The following GPALPP1 variants were observed in gnomAD, a reference collection of about 807,000 sequenced individuals.
The protein encoded by GPALPP1 is GPALPP motifs containing 1, also known as GPALPP motifs-containing protein 1.
In GPALPP1, 30 loss-of-function variants were observed where a neutral mutation model predicts 38.9. The ratio of observed to expected loss-of-function variants is 0.77; its 90% CI spans 0.58 to 1.05. The LOEUF (loss-of-function observed/expected upper bound fraction) is 1.05, where lower values mean the gene tolerates loss of function less well. GPALPP1 is among the 50% of genes least tolerant of loss of function. The pLI, the probability that GPALPP1 is intolerant of heterozygous loss-of-function variation, is 0.00. For missense variants in GPALPP1, 384 were observed against 408.8 expected (o/e 0.94, Z 0.52); for synonymous variants, 120 against 139.2 (o/e 0.86, Z 0.97).
chr13:45,002,578 A>G (rs1173366680), intron 1 of GPALPP1: 1 of 152,258 alleles, frequency 6.6e-6, no homozygotes, highest in African/African-American at 2.4e-5. Context: ...ATTAACTGAT[A>G]TAATCTTCAC....
chr13:45,032,773 C>T (rs1361370515), downstream of GPALPP1, among the ~76,000 whole-genome samples: 3 of 150,722 alleles, frequency 2.0e-5, no homozygotes, highest in Non-Finnish European at 4.4e-5. Flanking sequence ...CGGTGGCTCA[C>T]GCCTGTAATT....
rs36033321 is a variant in GPALPP1, at chr13:45,028,904, A to ATG, written c.*901_*902insTG. 4 of 151,392 alleles carry ATG rather than the reference A, an allele frequency of 2.6e-5. No individual in the cohort carries two copies. Among genetic ancestry groups the ATG allele is most frequent in the African/African-American group, 4.8e-5 (2 of 41,348 alleles). 9.4% of individuals were successfully genotyped at this position (151,392 alleles called of 1,614,324 possible). On this transcript the variant is annotated 3_prime_UTR_variant, in exon 8 of 8. Transcript: ENST00000379151. ...ATCTCTATTAAAAATATATATATAT[A>ATG]AAAATTAGCCAGGTGTGGTGGCACG... is the stretch of plus-strand genomic sequence containing the variant.
chr13:45,019,040 A>AAT lies in GPALPP1; in HGVS notation c.706-1284_706-1283dup, dbSNP rs1282476442. ...ATACACATATAAATATATACATAGA[A>AAT]ATATATAAATATAAATATATACATA... On this transcript the variant is annotated intron_variant, in intron 6 of 7. Transcript: ENST00000379151. 5.7e-5 allele frequency among the ~76,000 whole-genome samples: 4 copies of AAT among 69,630 alleles called. 1 individual carries two copies. The highest frequency in any genetic ancestry group is 7.6e-5 in the African/African-American group (1 of 13,138). The allele number at this position is 69,630 out of a possible 152,430, so 45.7% of individuals were successfully genotyped here.
chr13:45,011,124 A>G (rs1874444046), intron 4 of GPALPP1, among the ~76,000 whole-genome samples: 1 of 152,222 alleles, frequency 6.6e-6, no homozygotes, highest in South Asian at 2.1e-4. Context: ...ATTTGAAGGC[A>G]AAAGAGAGTG....
At chr13:45,027,407 A>T (rs1179102477) in intron 7 of GPALPP1, among the ~76,000 whole-genome samples, 1 of 152,142 alleles carries the variant, frequency 6.6e-6, no homozygotes, top group African/African-American at 2.4e-5. Context: ...CAGGCCTTGA[A>T]TTTTGCCACA....
rs887412176 is a variant in GPALPP1, at chr13:45,028,131, A to G, written c.*128A>G. On this transcript the variant is annotated 3_prime_UTR_variant, in exon 8 of 8. Coordinates refer to ENST00000379151, the MANE Select transcript of GPALPP1 (RefSeq NM_018559.5). Reference sequence around the variant, plus strand: ...AATAGATTAAAAATTTTATATTTTTATAAGTAAACAGTGATTTTTGAAAAG... The same window carrying G: ...AATAGATTAAAAATTTTATATTTTTGTAAGTAAACAGTGATTTTTGAAAAG... 59 of 463,510 alleles carry G rather than the reference A, an allele frequency of 1.3e-4. No individual in the cohort carries two copies. Among genetic ancestry groups the G allele is most frequent in the Non-Finnish European group, 2.0e-4 (53 of 267,324 alleles). The allele number at this position is 463,510 out of a possible 1,614,324, so 28.7% of individuals were successfully genotyped here.
At chr13:45,015,678 G>A in intron 6 of GPALPP1, 82 bp downstream of exon 6, 5 of 953,488 alleles carry the variant, frequency 5.2e-6, no homozygotes, top group Non-Finnish European at 7.3e-6. Flanking sequence ...AATTATTTAA[G>A]GGTACTATTT....
intron 1 of GPALPP1, among the ~76,000 whole-genome samples, chr13:45,003,476 G>C (rs1205592847): frequency 3.9e-5 from 6 of 152,108 alleles, no homozygotes; most frequent in Non-Finnish European, 7.3e-5. Flanking sequence ...CTGAGAAAAG[G>C]GCCCATGAAT....
rs777370626 is a variant in GPALPP1 at position 45,029,174 on chromosome 13, T to A, written c.*1171T>A. ...TATATCAATATTCAAATGTGATTTT[T>A]GAGGAAAATATGTTAAATTTAGAAA... is the stretch of plus-strand genomic sequence containing the variant. On this transcript the variant is annotated 3_prime_UTR_variant, in exon 8 of 8. Coordinates refer to ENST00000379151, the MANE Select transcript of GPALPP1 (RefSeq NM_018559.5). 4 of 152,212 alleles carry A rather than the reference T, an allele frequency of 2.6e-5. No individual in the cohort carries two copies. Among genetic ancestry groups the A allele is most frequent in the Non-Finnish European group, 5.9e-5 (4 of 68,038 alleles). The allele number at this position is 152,212 out of a possible 1,614,324, so 9.4% of individuals were successfully genotyped here. A position where few individuals can be genotyped will look rare whatever the true frequency, so the allele number is the denominator to read the frequency against.
At chr13:45,021,048 A>G (rs1875392139) in intron 7 of GPALPP1, among the ~76,000 whole-genome samples, 1 of 152,190 alleles carries the variant, frequency 6.6e-6, no homozygotes, top group Admixed American at 6.5e-5. Context: ...ATGTAGTCCA[A>G]TCTAAATTTA....
In GPALPP1 at chr13:45,027,912, G is replaced by A. The variant is rs367606015; in HGVS notation, c.932G>A (p.Arg311Gln). 30 of 1,610,268 alleles carry A rather than the reference G, an allele frequency of 1.9e-5. No homozygotes were observed. The East Asian group carries it at 3.4e-4, about 18-fold the overall frequency. ...FDRDKDLKVN[R>Q]FDEAQKKALI... ...CGTGATAAAGATCTCAAGGTTAATC[G>A]GTTTGATGAAGCTCAGAAAAAAGCC... Residue 311 changes from arginine to glutamine, a missense_variant, in exon 8 of 8, where the codon CGG (arginine) becomes CAG (glutamine). Physicochemically the swap from Arg to Gln is conservative, Grantham distance 43. Coordinates refer to ENST00000379151, the MANE Select transcript of GPALPP1 (RefSeq NM_018559.5).
intron 2 of GPALPP1, chr13:45,005,086 C>CTTTTTTTTTTTT (rs71759613): frequency 8.7e-5 from 5 of 57,482 alleles, no homozygotes; most frequent in Non-Finnish European, 1.6e-4. Flanking sequence ...TAATGGTTTT[C>CTTTTTTTTTTTT]TTTTTTTTTT....
chr13:45,008,932 T>A, intron 4 of GPALPP1, 53 bp downstream of exon 4: 3 of 1,039,044 alleles, frequency 2.9e-6, no homozygotes, highest in Non-Finnish European at 4.5e-6. Context: ...ATTGAAAGAA[T>A]AAGATGTATT....
At position 45,015,505 on chromosome 13, in the gene GPALPP1, G is replaced by A. The variant is rs1035030446; in HGVS notation, c.614G>A (p.Gly205Glu). 2.5e-6 allele frequency: 4 copies of A among 1,609,286 alleles called. No homozygotes were observed. The highest frequency in any genetic ancestry group is 3.4e-6 in the Non-Finnish European group (4 of 1,177,430). The part of the protein sequence containing the change: ...LPPEMKDFGL[G>E]PRTFKRRADD... ...CCAGAAATGAAAGACTTTGGTCTTGGGCCAAGGACTTTTAAGAGAAGAGCT... is the reference window on the plus strand; with the variant it reads ...CCAGAAATGAAAGACTTTGGTCTTGAGCCAAGGACTTTTAAGAGAAGAGCT... Residue 205 changes from glycine to glutamate, a missense_variant, in exon 6 of 8, where the codon GGG (glycine) becomes GAG (glutamate). Gly to Glu is a moderately conservative substitution (Grantham distance 98). Transcript: ENST00000379151.
chr13:45,000,418 AAAT>A (rs1873589543), intron 1 of GPALPP1, among the ~76,000 whole-genome samples: 1 of 152,212 alleles, frequency 6.6e-6, no homozygotes, highest in Non-Finnish European at 1.5e-5. Flanking sequence ...GAGCAAGACT[AAAT>A]AAATAAATGA....
chr13:44,991,223 C>T (rs1593377785), intron 1 of GPALPP1, among the ~76,000 whole-genome samples: 1 of 151,906 alleles, frequency 6.6e-6, no homozygotes, highest in Non-Finnish European at 1.5e-5. Flanking sequence ...CCGAGGCGGG[C>T]GGATCACGAG....
chr13:44,996,247 T>TG (rs1245675137), intron 1 of GPALPP1, among the ~76,000 whole-genome samples: 2 of 151,542 alleles, frequency 1.3e-5, no homozygotes, highest in East Asian at 2.0e-4. Context: ...CTCAACTACT[T>TG]GGGGGGCTGA....
chr13:45,012,238 C>A (rs1256666666), intron 4 of GPALPP1, among the ~76,000 whole-genome samples: 1 of 152,086 alleles, frequency 6.6e-6, no homozygotes, highest in Non-Finnish European at 1.5e-5. Context: ...GACTAGAGGA[C>A]CAGAGAAATG....
At chr13:45,019,399 C>T (rs1051360307) in intron 6 of GPALPP1, among the ~76,000 whole-genome samples, 2 of 151,808 alleles carry the variant, frequency 1.3e-5, no homozygotes, top group Non-Finnish European at 2.9e-5. Flanking sequence ...CTGCCTGCCT[C>T]TGCCTCCCAA....
Sources: gnomAD v4.1 joint callset for allele counts (sites outside exome capture counted in the v4.1 genomes callset) on GRCh38, gnomAD v4.1.1 for gene constraint, MANE v1.5 for transcripts, NCBI Gene and HGNC (gene_info 2026-07-23, HGNC 2026-07-21) for gene names.